Variants in ZHX2 observed in about 807,000 individuals in gnomAD.
ZHX2 encodes the protein zinc fingers and homeoboxes 2, also known as zinc fingers and homeoboxes protein 2.
A neutral mutation model predicts 21.9 loss-of-function variants in ZHX2; 6 were observed. The observed-to-expected ratio is 0.27, with a 90% CI of 0.15 to 0.54. The LOEUF is 0.54. Ranked by LOEUF, ZHX2 falls within the 20% of genes least tolerant of loss-of-function variation. The pLI is 0.95. For synonymous variants in ZHX2, 434 were observed against 437.1 expected (o/e 0.99, Z 0.09); for missense variants, 908 against 1,090.7 (o/e 0.83, Z 2.36).
At chr8:122,963,175 C>G (rs1202498271) in intron 3 of ZHX2, among the ~76,000 whole-genome samples, 4 of 151,838 alleles carry the variant, frequency 2.6e-5, no homozygotes, top group Non-Finnish European at 2.9e-5. Flanking sequence ...CTTTTGGGTT[C>G]TTGGTCATGA....
chr8:122,805,557 T>C (rs1002416951), intron 1 of ZHX2, among the ~76,000 whole-genome samples: 14 of 152,186 alleles, frequency 9.2e-5, no homozygotes, highest in African/African-American at 3.4e-4. Context: ...ATGAAGATCT[T>C]TCTTTTTTAA....
chr8:122,868,274 A>G (rs1485357969), intron 2 of ZHX2, among the ~76,000 whole-genome samples: 1 of 152,202 alleles, frequency 6.6e-6, no homozygotes, highest in African/African-American at 2.4e-5. Context: ...AATAACGGGT[A>G]AGAAGTTTGC....
chr8:122,873,852 C>T (rs966646495), intron 2 of ZHX2, among the ~76,000 whole-genome samples: 8 of 152,138 alleles, frequency 5.3e-5, no homozygotes, highest in Non-Finnish European at 1.5e-5. Flanking sequence ...GCTCAGGGCC[C>T]CCTTCCATCT....
intron 1 of ZHX2, among the ~76,000 whole-genome samples, chr8:122,784,999 C>G (rs1817364922): frequency 6.6e-6 from 1 of 152,234 alleles, no homozygotes; most frequent in African/African-American, 2.4e-5. Context: ...GGGATACACA[C>G]CCCCTGCCCT....
chr8:122,783,420 TAGAGG>T (rs1348258023), intron 1 of ZHX2, among the ~76,000 whole-genome samples: 4 of 152,062 alleles, frequency 2.6e-5, no homozygotes, highest in African/African-American at 9.7e-5. Context: ...AGAATGGAGT[TAGAGG>T]AGAGGATTCC....
intron 2 of ZHX2, among the ~76,000 whole-genome samples, chr8:122,868,698 CAAA>C (rs35306891): frequency 0.027 from 2,752 of 100,652 alleles, 101 homozygotes; most frequent in African/African-American, 0.095. Context: ...AAGACTCCGT[CAAA>C]AAAAAAAAAA....
intron 2 of ZHX2, among the ~76,000 whole-genome samples, chr8:122,921,500 G>A (rs1173538274): frequency 1.3e-5 from 2 of 152,126 alleles, no homozygotes; most frequent in Admixed American, 6.5e-5. Flanking sequence ...TGGATCCGCA[G>A]ATCTTAAGTG....
At chr8:122,810,759 G>T (rs952383384) in intron 1 of ZHX2, among the ~76,000 whole-genome samples, 4 of 151,960 alleles carry the variant, frequency 2.6e-5, no homozygotes, top group African/African-American at 9.7e-5. Context: ...AGTGTTGTAT[G>T]TGAAATGGAA....
At chr8:122,875,161 A>ATCCTTT (rs1819539719) in intron 2 of ZHX2, among the ~76,000 whole-genome samples, 1 of 42,180 alleles carries the variant, frequency 2.4e-5, no homozygotes, top group African/African-American at 1.1e-4. Flanking sequence ...ATATATATAT[A>ATCCTTT]TATATATATA....
In ZHX2 at chr8:122,953,100, C is replaced by T. The variant is rs777502272; in HGVS notation, c.1590C>T (p.Pro530=). ...RTYHAYPDFA[P]QKFKEKTQGQ... is the part of the protein sequence containing the mutation. ...ATCATGCGTACCCAGACTTTGCCCC[C>T]CAGAAGTTCAAAGAGAAAACACAGG... The change falls in exon 3 of 4, where the codon CCC becomes CCT. Residue 530 remains proline, a synonymous_variant. Transcript: ENST00000314393. This position sits in a 1 kb window ranked among gnomAD's most constrained non-coding sequence, Gnocchi z 4.6. The T allele has an allele frequency of 2.5e-6, 4 of 1,613,948 alleles. No individual in the cohort carries two copies. Among genetic ancestry groups the T allele is most frequent in the Non-Finnish European group, 3.4e-6 (4 of 1,180,014 alleles).
chr8:122,912,105 T>C (rs1252985313), intron 2 of ZHX2, among the ~76,000 whole-genome samples: 1 of 152,216 alleles, frequency 6.6e-6, no homozygotes, highest in African/African-American at 2.4e-5. Flanking sequence ...ACTGGGTTCA[T>C]GAAGATGGTG....
chr8:122,947,304 G>A (rs1347661663), intron 2 of ZHX2, among the ~76,000 whole-genome samples: 1 of 151,722 alleles, frequency 6.6e-6, no homozygotes, highest in Non-Finnish European at 1.5e-5. Context: ...TGGAGTTTCT[G>A]TTCTTGAATG....
chr8:122,966,005 C>T (rs562182303), intron 3 of ZHX2, among the ~76,000 whole-genome samples: 44 of 152,122 alleles, frequency 2.9e-4, no homozygotes, highest in Non-Finnish European at 6.2e-4. Context: ...CATGGAATAT[C>T]TTTTTCCACT....
chr8:122,818,554 C>A (rs1270545316), intron 1 of ZHX2, among the ~76,000 whole-genome samples: 2 of 152,164 alleles, frequency 1.3e-5, no homozygotes, highest in African/African-American at 4.8e-5. Flanking sequence ...TGAGGGGTGG[C>A]CATGAGGCCT....
chr8:122,830,890 C>T (rs1287789733), intron 1 of ZHX2, among the ~76,000 whole-genome samples: 2 of 152,218 alleles, frequency 1.3e-5, no homozygotes, highest in African/African-American at 4.8e-5. Flanking sequence ...TTGTCCACAA[C>T]TGGCGGGTTT....
At chr8:122,836,857 A>G (rs1465006705) in intron 1 of ZHX2, among the ~76,000 whole-genome samples, 1 of 152,222 alleles carries the variant, frequency 6.6e-6, no homozygotes, top group African/African-American at 2.4e-5. Flanking sequence ...GGCCCCAGGG[A>G]GAATCTTACA....
intron 1 of ZHX2, among the ~76,000 whole-genome samples, chr8:122,830,965 T>A (rs990514002): frequency 1.3e-5 from 2 of 152,124 alleles, no homozygotes. Flanking sequence ...TGCCTAACGA[T>A]TGAGGCCTGT....
At chr8:122,916,381 G>T (rs779630724) in intron 2 of ZHX2, among the ~76,000 whole-genome samples, 1 of 152,220 alleles carries the variant, frequency 6.6e-6, no homozygotes, top group East Asian at 1.9e-4. Context: ...TCCCCTTGGC[G>T]CCTGGAGGAA....
chr8:122,939,518 T>G (rs1812790344), intron 2 of ZHX2, among the ~76,000 whole-genome samples: 2 of 151,668 alleles, frequency 1.3e-5, no homozygotes, highest in Non-Finnish European at 2.9e-5. Flanking sequence ...GAGACAGGAG[T>G]TGACAGAACC....
Sources: gnomAD v4.1 joint callset for allele counts (sites outside exome capture counted in the v4.1 genomes callset) on GRCh38, gnomAD v4.1.1 for gene constraint, Gnocchi (gnomAD v3.1) non-coding constraint, MANE v1.5 for transcripts, NCBI Gene and HGNC (gene_info 2026-07-23, HGNC 2026-07-21) for gene names.